The following SUGCT variants were observed in gnomAD, a reference collection of about 807,000 sequenced individuals.
SUGCT encodes the protein succinyl-CoA:glutarate CoA-transferase.
A neutral mutation model predicts 55.0 loss-of-function variants in SUGCT; 41 were observed. The observed-to-expected ratio is 0.74, with a 90% CI of 0.58 to 0.97. The LOEUF (loss-of-function observed/expected upper bound fraction) is 0.97, where lower values mean the gene tolerates loss of function less well. Among genes scored for constraint, SUGCT ranks in the 50% least tolerant of loss-of-function variants. The pLI is 0.00. For missense variants in SUGCT, 568 were observed against 547.8 expected (o/e 1.04, Z -0.37); for synonymous variants, 187 against 200.4 (o/e 0.93, Z 0.56).
intron 12 of SUGCT, among the ~76,000 whole-genome samples, chr7:40,688,705 G>A (rs1489271406): frequency 6.6e-6 from 1 of 151,948 alleles, no homozygotes; most frequent in Non-Finnish European, 1.5e-5. Flanking sequence ...AAAAGTTAGG[G>A]CTAACTTTCC....
intron 12 of SUGCT, among the ~76,000 whole-genome samples, chr7:40,670,786 C>G (rs1405513239): frequency 6.6e-6 from 1 of 151,992 alleles, no homozygotes; most frequent in African/African-American, 2.4e-5. Flanking sequence ...AATTTTAAAA[C>G]TCCCCCAAAA....
At chr7:40,406,039 C>A (rs1195038130) in intron 9 of SUGCT, among the ~76,000 whole-genome samples, 1 of 151,952 alleles carries the variant, frequency 6.6e-6, no homozygotes, top group African/African-American at 2.4e-5. Context: ...CTTAAATCAG[C>A]CTCCCTGAAA....
chr7:40,250,861 G>T (rs1388192507), intron 7 of SUGCT, among the ~76,000 whole-genome samples: 5 of 143,260 alleles, frequency 3.5e-5, no homozygotes, highest in Non-Finnish European at 7.5e-5. Flanking sequence ...TTTTAAGACG[G>T]GGTCTCACCC....
the SUGCT span, among the ~76,000 whole-genome samples, chr7:40,870,507 C>A: frequency 6.6e-6 from 1 of 152,184 alleles, no homozygotes; most frequent in Non-Finnish European, 1.5e-5. Context: ...CAAGATCTTT[C>A]ATTTAATCAC....
intron 13 of SUGCT, among the ~76,000 whole-genome samples, chr7:40,772,534 C>G (rs1324502971): frequency 6.6e-6 from 1 of 151,094 alleles, no homozygotes; most frequent in Admixed American, 6.6e-5. Flanking sequence ...ATCTATCTAT[C>G]TATCTATCTA....
chr7:40,518,495 C>T (rs991694806), intron 12 of SUGCT, among the ~76,000 whole-genome samples: 2 of 152,068 alleles, frequency 1.3e-5, no homozygotes, highest in Admixed American at 6.6e-5. Context: ...GAACCAATGT[C>T]AACTCAGATG....
chr7:40,798,332 C>G (rs1440309174), intron 13 of SUGCT, among the ~76,000 whole-genome samples: 1 of 152,150 alleles, frequency 6.6e-6, no homozygotes, highest in Non-Finnish European at 1.5e-5. Context: ...AAGAATAACT[C>G]TGGCTCTTTT....
intron 7 of SUGCT, among the ~76,000 whole-genome samples, chr7:40,257,456 A>G (rs1351107855): frequency 6.6e-6 from 1 of 152,212 alleles, no homozygotes; most frequent in Non-Finnish European, 1.5e-5. Flanking sequence ...AGAAACATCA[A>G]CAAACTGAAA....
chr7:40,459,702 T>G (rs1158914085), intron 11 of SUGCT, among the ~76,000 whole-genome samples: 3 of 152,202 alleles, frequency 2.0e-5, no homozygotes, highest in Admixed American at 2.0e-4. Flanking sequence ...GCCACTCCTG[T>G]GAATCTTGAT....
the SUGCT span, among the ~76,000 whole-genome samples, chr7:40,868,990 C>T: frequency 6.6e-6 from 1 of 152,206 alleles, no homozygotes; most frequent in African/African-American, 2.4e-5. Flanking sequence ...ACCAATGTAA[C>T]ATTATGTAAA....
intron 12 of SUGCT, among the ~76,000 whole-genome samples, chr7:40,549,803 G>A (rs1220641288): frequency 6.6e-6 from 1 of 152,138 alleles, no homozygotes; most frequent in Non-Finnish European, 1.5e-5. Context: ...GTCTTGTGTA[G>A]CAGAAGAAAA....
chr7:40,180,927 T>C lies in SUGCT; in HGVS notation c.101-20T>C. ...AAATTACTAATGAATTATCTTGAAATGTTTTCTCTGTTTTGCCAGATATGA... is the reference window on the plus strand; with the variant it reads ...AAATTACTAATGAATTATCTTGAAACGTTTTCTCTGTTTTGCCAGATATGA... On this transcript the variant is annotated intron_variant, in intron 1 of 13. Transcript: ENST00000335693. 6.4e-7 allele frequency: 1 copy of C among 1,566,636 alleles called. No individual in the cohort carries two copies. Among genetic ancestry groups the C allele is most frequent in the Non-Finnish European group, 8.8e-7 (1 of 1,141,734 alleles).
intron 7 of SUGCT, 66 bp from the exon 8 acceptor site, chr7:40,274,447 T>A: frequency 6.5e-7 from 1 of 1,530,118 alleles, no homozygotes; most frequent in South Asian, 1.2e-5. Context: ...TTAGAAGATT[T>A]GAGAAATCAT....
intron 13 of SUGCT, among the ~76,000 whole-genome samples, chr7:40,829,523 TTTCAG>T (rs1792544097): frequency 6.6e-6 from 1 of 152,192 alleles, no homozygotes; most frequent in African/African-American, 2.4e-5. Context: ...GTTATTTTAT[TTTCAG>T]TATTCAGCAT....
chr7:40,791,912 C>T (rs1442813908), intron 13 of SUGCT, among the ~76,000 whole-genome samples: 3 of 152,116 alleles, frequency 2.0e-5, no homozygotes, highest in Non-Finnish European at 4.4e-5. Context: ...TTTGGCCTTA[C>T]ACATCTTATT....
the SUGCT span, among the ~76,000 whole-genome samples, chr7:40,990,003 A>G: frequency 1.7e-3 from 258 of 152,360 alleles, 1 homozygote; most frequent in Non-Finnish European, 2.7e-3. Flanking sequence ...TTTTGACTTT[A>G]TCCCATGAAT....
intron 12 of SUGCT, among the ~76,000 whole-genome samples, chr7:40,599,583 C>T (rs988048092): frequency 3.9e-5 from 6 of 152,028 alleles, no homozygotes; most frequent in Admixed American, 1.3e-4. Flanking sequence ...CCAAACTGCC[C>T]GTCTGATTTT....
chr7:40,169,767 A>C (rs558623398), intron 1 of SUGCT, among the ~76,000 whole-genome samples: 90 of 150,406 alleles, frequency 6.0e-4, no homozygotes, highest in Non-Finnish European at 1.2e-3. Flanking sequence ...CATTTGTCCC[A>C]TTCTGCCTGC....
At chr7:40,856,561 C>G (rs528631720) in intron 13 of SUGCT, among the ~76,000 whole-genome samples, 1 of 151,080 alleles carries the variant, frequency 6.6e-6, no homozygotes, top group Admixed American at 6.6e-5. Flanking sequence ...AAGCAATGAG[C>G]AGACAGAAAA....
Sources: allele counts gnomAD v4.1 joint callset (sites outside exome capture counted in the v4.1 genomes callset), GRCh38; gene constraint gnomAD v4.1.1; transcripts MANE v1.5; gene names NCBI Gene and HGNC (gene_info 2026-07-23, HGNC 2026-07-21).